Variants in MOV10L1 observed in about 807,000 individuals in gnomAD.
MOV10L1 encodes the protein RNA helicase Mov10l1.
MOV10L1 carries 110 observed loss-of-function variants against 143.8 expected under a neutral mutation model. That is an observed-to-expected ratio of 0.76 (90% CI 0.66 to 0.90). The LOEUF is 0.90. MOV10L1 is among the 40% of genes least tolerant of loss of function. The pLI is 0.00. For missense variants in MOV10L1, 1,406 were observed against 1,526.8 expected (o/e 0.92, Z 1.32); for synonymous variants, 593 against 581.1 (o/e 1.02, Z -0.29).
Position 50,099,583 on chromosome 22 carries a change from T to C in MOV10L1, c.423T>C (p.Ser141=). 6.2e-7 allele frequency: 1 copy of C among 1,612,880 alleles called. No individual in the cohort carries two copies. Among genetic ancestry groups the C allele is most frequent in the Non-Finnish European group, 8.5e-7 (1 of 1,178,954 alleles). ...AGCISQTTYF[S]LESVCEGFEP... ...GTATCAGTCAGACCACCTACTTCTC[T>C]CTGGAGAGTGTGTGCGAAGGTATGC... Residue 141 remains serine, a synonymous_variant, in exon 3 of 27, where the codon TCT becomes TCC. Coordinates refer to ENST00000262794, the MANE Select transcript of MOV10L1 (RefSeq NM_018995.3).
chr22:50,146,908 C>G (rs2147385811), intron 19 of MOV10L1: 1 of 672,020 alleles, frequency 1.5e-6, no homozygotes, highest in Admixed American at 2.8e-5. Context: ...TCAAAATCCA[C>G]CATGTATTTT....
chr22:50,160,801 G>A lies in MOV10L1; in HGVS notation c.3438G>A (p.Leu1146=), dbSNP rs1448625151. 1 of 1,614,014 alleles carries A rather than the reference G, an allele frequency of 6.2e-7. No individual in the cohort carries two copies. Among genetic ancestry groups the A allele is most frequent in the Non-Finnish European group, 8.5e-7 (1 of 1,179,992 alleles). ...ITRPKALLIV[L]GNPHVLVRDP... ...GACCCAAAGCTTTGCTGATAGTGCT[G>A]GGAAACCCCCATGTTCTCGTTCGAG... is the stretch of plus-strand genomic sequence containing the variant. Residue 1146 remains leucine, a synonymous_variant, in exon 25 of 27, where the codon CTG becomes CTA. Coordinates refer to ENST00000262794, the MANE Select transcript of MOV10L1 (RefSeq NM_018995.3).
At chr22:50,140,358 T>C (rs975069471) in intron 15 of MOV10L1, among the ~76,000 whole-genome samples, 1 of 152,180 alleles carries the variant, frequency 6.6e-6, no homozygotes, top group Non-Finnish European at 1.5e-5. Context: ...GTCAGACTTG[T>C]CAAGTCACAC....
chr22:50,113,661 G>C lies in MOV10L1; in HGVS notation c.757G>C (p.Val253Leu). The change falls in exon 6 of 27, where the codon GTT (valine) becomes CTT (leucine). Residue 253 changes from valine (V) to leucine (L), a missense_variant. Physicochemically the swap from Val to Leu is conservative, Grantham distance 32. This residue lies in a region of MOV10L1 where 1,233 missense variants were observed against 1,351.4 expected (regional missense o/e 0.91). Transcript: ENST00000262794. ...TLVKRRDAAP[V>L]HEATHFYGTI... ...CTCTTTTTTCAGAGACGCCGCCCCT[G>C]TTCATGAGGCCACTCATTTCTATGG... is the stretch of plus-strand genomic sequence containing the variant. The C allele has an allele frequency of 6.2e-7, 1 of 1,613,790 alleles. No homozygotes were observed. Among genetic ancestry groups the C allele is most frequent in the South Asian group, 1.1e-5 (1 of 91,038 alleles).
At chr22:50,156,079 A>C (rs567122886) in intron 22 of MOV10L1, among the ~76,000 whole-genome samples, 1 of 151,928 alleles carries the variant, frequency 6.6e-6, no homozygotes, top group East Asian at 1.9e-4. Flanking sequence ...TTCATTCATA[A>C]ATAAATGTAC....
At chr22:50,109,137 C>T (rs1013055726) in intron 5 of MOV10L1, among the ~76,000 whole-genome samples, 4 of 152,010 alleles carry the variant, frequency 2.6e-5, no homozygotes, top group Non-Finnish European at 5.9e-5. Flanking sequence ...AGTAAAACTC[C>T]GTCTCAAAAA....
In MOV10L1 at chr22:50,159,601, C is replaced by CAAAA; in HGVS notation, c.3217-68_3217-65dup. ...TGGGTGACAGAGTAATACTCCATCT[C>CAAAA]AAAAAAAAAAAAGGAAAAGAAAAGA... is the stretch of plus-strand genomic sequence containing the variant. On this transcript the variant is annotated intron_variant, in intron 23 of 26. Coordinates refer to ENST00000262794, the MANE Select transcript of MOV10L1 (RefSeq NM_018995.3). This position sits in a 1 kb window ranked among gnomAD's most constrained non-coding sequence, Gnocchi z 4.1. The CAAAA allele has an allele frequency of 1.2e-6, 1 of 833,060 alleles. No homozygotes were observed. Among genetic ancestry groups the CAAAA allele is most frequent in the Non-Finnish European group, 1.8e-6 (1 of 561,362 alleles). 51.6% of individuals were successfully genotyped at this position (833,060 alleles called of 1,614,324 possible).
intron 5 of MOV10L1, among the ~76,000 whole-genome samples, chr22:50,112,246 G>A (rs2062044204): frequency 3.3e-5 from 5 of 152,288 alleles, no homozygotes; most frequent in Non-Finnish European, 4.4e-5. Context: ...CACTGCTCCC[G>A]CTGCATCTGA....
intron 19 of MOV10L1, among the ~76,000 whole-genome samples, chr22:50,146,078 G>C (rs1410626684): frequency 1.3e-5 from 2 of 152,158 alleles, no homozygotes; most frequent in Non-Finnish European, 2.9e-5. Context: ...GAGCACTGAG[G>C]TCTCCCCAAA....
rs573381285 is a variant in MOV10L1 at position 50,152,240 on chromosome 22, C to T, written c.2893-805C>T. 3.9e-5 allele frequency among the ~76,000 whole-genome samples: 6 copies of T among 152,198 alleles called. No individual in the cohort carries two copies. Among genetic ancestry groups the T allele is most frequent in the Non-Finnish European group, 8.8e-5 (6 of 68,036 alleles). On this transcript the variant is annotated intron_variant, in intron 21 of 26. Coordinates refer to ENST00000262794, the MANE Select transcript of MOV10L1 (RefSeq NM_018995.3). The surrounding 1 kb of genome is among the most constrained non-coding windows in gnomAD (Gnocchi z 4.4). Reference sequence around the variant, plus strand: ...CTTGTTCTCCCCAGCAGTGTCTCCCCGAGGGACAGTCAGTGACAGGAGGGC... The same window carrying T: ...CTTGTTCTCCCCAGCAGTGTCTCCCTGAGGGACAGTCAGTGACAGGAGGGC...
At chr22:50,154,425 G>A (rs1202791333) in intron 22 of MOV10L1, among the ~76,000 whole-genome samples, 1 of 151,536 alleles carries the variant, frequency 6.6e-6, no homozygotes, top group East Asian at 1.9e-4. Flanking sequence ...TAAATTAGCT[G>A]AGCATGGTGG....
At chr22:50,109,005 G>A (rs1365523849) in intron 5 of MOV10L1, among the ~76,000 whole-genome samples, 161 bp downstream of exon 5, 3 of 152,150 alleles carry the variant, frequency 2.0e-5, no homozygotes, top group African/African-American at 4.8e-5. Flanking sequence ...TTAGCTGGGC[G>A]TGGTGGTGCT....
chr22:50,134,333 A>T (rs1166284698), intron 14 of MOV10L1, among the ~76,000 whole-genome samples, 197 bp from the exon 15 acceptor site: 9 of 152,128 alleles, frequency 5.9e-5, no homozygotes, highest in Admixed American at 3.9e-4. Flanking sequence ...ATTTTTACAG[A>T]TGGGCAAATA....
chr22:50,104,032 C>A (rs1011666683), intron 3 of MOV10L1, among the ~76,000 whole-genome samples: 1 of 152,106 alleles, frequency 6.6e-6, no homozygotes, highest in Non-Finnish European at 1.5e-5. Context: ...TAGATGGTCC[C>A]ATCTGGGGGT....
chr22:50,126,777 A>G (rs961687929), intron 12 of MOV10L1, among the ~76,000 whole-genome samples: 5 of 152,212 alleles, frequency 3.3e-5, no homozygotes, highest in African/African-American at 1.2e-4. Flanking sequence ...CTATCTGTGC[A>G]TCAGAGAAGA....
At position 50,117,347 on chromosome 22, in the gene MOV10L1, A is replaced by C; in HGVS notation, c.1450A>C (p.Lys484Gln). The C allele has an allele frequency of 1.2e-6, 2 of 1,613,116 alleles. No individual in the cohort carries two copies. Among genetic ancestry groups the C allele is most frequent in the Non-Finnish European group, 1.7e-6 (2 of 1,179,532 alleles). The change falls in exon 9 of 27, where the codon AAA becomes CAA. Residue 484 changes from lysine (K) to glutamine (Q), a missense_variant. By Grantham distance (53) the Lys-to-Gln change is moderately conservative. This residue lies in a region of MOV10L1 where 1,233 missense variants were observed against 1,351.4 expected (regional missense o/e 0.91). Transcript: ENST00000262794. ...AKTTVVVTAQ[K>Q]RNSRRQLPSF... ...AACTACAGTTGTTGTGACCGCACAG[A>C]AAAGGTACCATAACTGAAATGAGTG... is the stretch of plus-strand genomic sequence containing the variant.
intron 5 of MOV10L1, among the ~76,000 whole-genome samples, chr22:50,112,629 G>A (rs1374654298): frequency 6.6e-6 from 1 of 152,218 alleles, no homozygotes; most frequent in Non-Finnish European, 1.5e-5. Context: ...GCTGGGGTGG[G>A]TGAGCCAGGG....
At chr22:50,151,008 C>A in intron 21 of MOV10L1, 109 bp downstream of exon 21, 1 of 1,422,468 alleles carries the variant, frequency 7.0e-7, no homozygotes, top group Non-Finnish European at 9.6e-7. Flanking sequence ...CATCCGTGGG[C>A]AGAGTGCAGG....
intron 15 of MOV10L1, among the ~76,000 whole-genome samples, chr22:50,140,364 C>A (rs1201175557): frequency 6.6e-6 from 1 of 152,128 alleles, no homozygotes; most frequent in Non-Finnish European, 1.5e-5. Flanking sequence ...CTTGTCAAGT[C>A]ACACACTTTA....
Sources: allele counts gnomAD v4.1 joint callset (sites outside exome capture counted in the v4.1 genomes callset), GRCh38; gene constraint gnomAD v4.1.1; regional missense constraint gnomAD v4.1.1; non-coding constraint Gnocchi (gnomAD v3.1); transcripts MANE v1.5; gene names NCBI Gene and HGNC (gene_info 2026-07-23, HGNC 2026-07-21).